ZNF804A: variants seen among roughly 807,000 people sequenced by gnomAD.
ZNF804A encodes the protein zinc finger protein 804A.
In ZNF804A, 2 loss-of-function variants were observed where a neutral mutation model predicts 16.5. That is an observed-to-expected ratio of 0.12 (90% CI 0.05 to 0.38). The LOEUF (loss-of-function observed/expected upper bound fraction) is 0.38. ZNF804A is among the 10% of genes least tolerant of loss of function. The pLI, the probability that ZNF804A is intolerant of heterozygous loss-of-function variation, is 0.99. For synonymous variants in ZNF804A, 534 were observed against 489.6 expected, an observed-to-expected ratio of 1.09 and a Z score of -1.20; for missense variants, 1,473 against 1,390.7, an observed-to-expected ratio of 1.06 and a Z score of -0.94.
intron 1 of ZNF804A, among the ~76,000 whole-genome samples, chr2:184,601,134 C>T (rs1357970625): frequency 3.3e-5 from 5 of 152,004 alleles, no homozygotes; most frequent in Non-Finnish European, 7.4e-5. Flanking sequence ...AGTAAATTTT[C>T]ATATATGATG....
At chr2:184,722,766 C>T (rs1173928532) in intron 1 of ZNF804A, among the ~76,000 whole-genome samples, 1 of 151,884 alleles carries the variant, frequency 6.6e-6, no homozygotes, top group African/African-American at 2.4e-5. Flanking sequence ...TAGATGTGAT[C>T]GCTAATTTAA....
At chr2:184,763,145 AG>A (rs1449044099) in intron 1 of ZNF804A, among the ~76,000 whole-genome samples, 1 of 152,202 alleles carries the variant, frequency 6.6e-6, no homozygotes, top group African/African-American at 2.4e-5. Flanking sequence ...AAGATGCTAC[AG>A]GATGAATCGT....
chr2:184,798,838 T>A (rs1356801559), intron 1 of ZNF804A, among the ~76,000 whole-genome samples: 1 of 152,122 alleles, frequency 6.6e-6, no homozygotes, highest in African/African-American at 2.4e-5. Context: ...GTTGGTTTTT[T>A]GGTTCCTTCT....
intron 1 of ZNF804A, among the ~76,000 whole-genome samples, chr2:184,803,808 C>T (rs1694760326): frequency 6.6e-6 from 1 of 150,764 alleles, no homozygotes; most frequent in Admixed American, 6.6e-5. Flanking sequence ...ATCTGTGTAT[C>T]TGTCTTCACA....
Position 184,937,113 on chromosome 2 carries a change from C to G in ZNF804A, c.1717C>G (p.Leu573Val), listed in dbSNP as rs767954726. The G allele has an allele frequency of 2.4e-5, 39 of 1,604,070 alleles. No homozygotes were observed. In the South Asian group the frequency reaches 3.6e-4, roughly 15 times the overall value. ...TAAAAGTCAAATAAAACAGGACACT[C>G]TAGATGAAAAATACAACAAAATAAG... Reference protein sequence around the residue: ...FTKSQIKQDTLDEKYNKIRLK... With the variant: ...FTKSQIKQDTVDEKYNKIRLK... The change falls in exon 4 of 4, where the codon CTA becomes GTA. Residue 573 changes from leucine to valine, a missense_variant. By Grantham distance (32) the Leu-to-Val change is conservative. Transcript: ENST00000302277.
At chr2:184,839,815 G>T (rs920763079) in intron 1 of ZNF804A, among the ~76,000 whole-genome samples, 1 of 151,996 alleles carries the variant, frequency 6.6e-6, no homozygotes, top group East Asian at 1.9e-4. Context: ...GAATTTTGAG[G>T]TTATTTTTTC....
At chr2:184,781,246 A>T (rs935232470) in intron 1 of ZNF804A, among the ~76,000 whole-genome samples, 1 of 151,770 alleles carries the variant, frequency 6.6e-6, no homozygotes, top group African/African-American at 2.4e-5. Flanking sequence ...GTTTTCTGTT[A>T]TATTTTGGCT....
chr2:184,937,722 T>A lies in ZNF804A; in HGVS notation c.2326T>A (p.Ser776Thr), dbSNP rs1313981248. 4 of 1,614,032 alleles carry A rather than the reference T, an allele frequency of 2.5e-6. No homozygotes were observed. Among genetic ancestry groups the A allele is most frequent in the Non-Finnish European group, 3.4e-6 (4 of 1,179,980 alleles). The change falls in exon 4 of 4, where the codon TCA becomes ACA. Residue 776 changes from serine to threonine, a missense_variant. Transcript: ENST00000302277. ...ERFYRKRRQH[S>T]HSYSSDESLN... ...ATTCTATCGAAAACGTAGACAACAT[T>A]CACATTCTTATTCTTCAGATGAAAG...
intron 1 of ZNF804A, among the ~76,000 whole-genome samples, chr2:184,663,366 C>T (rs923846209): frequency 6.6e-6 from 1 of 152,092 alleles, no homozygotes; most frequent in Non-Finnish European, 1.5e-5. Flanking sequence ...TGCTGATATG[C>T]CATTCCCTTG....
At chr2:184,849,018 G>A (rs933759594) in intron 1 of ZNF804A, among the ~76,000 whole-genome samples, 1 of 151,892 alleles carries the variant, frequency 6.6e-6, no homozygotes, top group African/African-American at 2.4e-5. Context: ...AGGTAAAAAA[G>A]GAAAACAAAT....
intron 2 of ZNF804A, among the ~76,000 whole-genome samples, chr2:184,931,976 C>T (rs1412258241): frequency 2.0e-5 from 3 of 152,190 alleles, no homozygotes; most frequent in African/African-American, 4.8e-5. Flanking sequence ...TGTCATCAGT[C>T]TTTTTGCTAA....
chr2:184,656,222 A>G (rs539127073), intron 1 of ZNF804A, among the ~76,000 whole-genome samples: 1 of 152,272 alleles, frequency 6.6e-6, no homozygotes, highest in East Asian at 1.9e-4. Flanking sequence ...AGCACATTAC[A>G]CATAGTTATG....
At chr2:184,640,317 G>A (rs1216340731) in intron 1 of ZNF804A, among the ~76,000 whole-genome samples, 1 of 151,888 alleles carries the variant, frequency 6.6e-6, no homozygotes, top group Non-Finnish European at 1.5e-5. Context: ...TTATTAAAAT[G>A]TTATACTTTT....
intron 1 of ZNF804A, among the ~76,000 whole-genome samples, chr2:184,601,054 C>T (rs146513440): frequency 3.6e-4 from 55 of 152,184 alleles, no homozygotes; most frequent in African/African-American, 5.3e-4. Flanking sequence ...CTGAGCTAGT[C>T]CTTCCAGATG....
At chr2:184,650,524 C>T (rs11894278) in intron 1 of ZNF804A, among the ~76,000 whole-genome samples, 1 of 152,034 alleles carries the variant, frequency 6.6e-6, no homozygotes, top group African/African-American at 2.4e-5. Flanking sequence ...TAAGCTGTCT[C>T]ACTTCACGGA....
rs752890881 is a variant in ZNF804A at position 184,938,842 on chromosome 2, G to A, written c.3446G>A (p.Gly1149Glu). ...ACCTCATTACCTCAGCTCTCAGTAGGACCAGTAGGACCGAGGCTTTGTCCT... is the reference window on the plus strand; with the variant it reads ...ACCTCATTACCTCAGCTCTCAGTAGAACCAGTAGGACCGAGGCTTTGTCCT... ...TRTSLPQLSV[G>E]PVGPRLCPGN... The change falls in exon 4 of 4, where the codon GGA (glycine) becomes GAA (glutamate). Residue 1149 changes from glycine (G) to glutamate (E), a missense_variant. Physicochemically the swap from Gly to Glu is moderately conservative, Grantham distance 98. Coordinates refer to ENST00000302277, the MANE Select transcript of ZNF804A (RefSeq NM_194250.2). 6.2e-7 allele frequency: 1 copy of A among 1,613,900 alleles called. No individual in the cohort carries two copies. The highest frequency in any genetic ancestry group is 1.6e-4 in the Middle Eastern group (1 of 6,062).
intron 1 of ZNF804A, among the ~76,000 whole-genome samples, chr2:184,839,071 C>A (rs1695396538): frequency 1.3e-5 from 2 of 151,982 alleles, no homozygotes; most frequent in South Asian, 4.1e-4. Context: ...AACTAACATT[C>A]TCATATTTTT....
At chr2:184,671,873 T>G (rs1032226804) in intron 1 of ZNF804A, among the ~76,000 whole-genome samples, 1 of 152,226 alleles carries the variant, frequency 6.6e-6, no homozygotes. Context: ...TTTACCATAG[T>G]GTGTTATTGT....
rs146611494 is a variant in ZNF804A, at chr2:184,937,261, C to G, written c.1865C>G (p.Ala622Gly). The G allele has an allele frequency of 4.7e-4, 764 of 1,612,906 alleles. 2 individuals carry two copies. The African/African-American group carries it at 8.5e-3, about 18-fold the overall frequency. ...TCAGAAACTCGCTGCAAAATGGAAG[C>G]AGAGAATAGTTACACTGAAAATGCT... ...KESETRCKME[A>G]ENSYTENAGK... Residue 622 changes from alanine (A) to glycine (G), a missense_variant, in exon 4 of 4, where the codon GCA (alanine) becomes GGA (glycine). Physicochemically the swap from Ala to Gly is moderately conservative, Grantham distance 60 (BLOSUM62 0). Transcript: ENST00000302277.
Sources: allele counts gnomAD v4.1 joint callset (sites outside exome capture counted in the v4.1 genomes callset), GRCh38; gene constraint gnomAD v4.1.1; transcripts MANE v1.5; gene names NCBI Gene and HGNC (gene_info 2026-07-23, HGNC 2026-07-21).